The following L3MBTL3 variants were observed in gnomAD, a reference collection of about 807,000 sequenced individuals.
The protein encoded by L3MBTL3 is L3MBTL histone methyl-lysine binding protein 3.
L3MBTL3 carries 27 observed loss-of-function variants against 102.3 expected under a neutral mutation model. The observed-to-expected ratio is 0.26, with a 90% CI of 0.19 to 0.36. L3MBTL3 has a LOEUF of 0.36. L3MBTL3 is among the 10% of genes least tolerant of loss of function. The pLI is 1.00. For synonymous variants in L3MBTL3, 340 were observed against 320.9 expected, an observed-to-expected ratio of 1.06 and a Z score of -0.64; for missense variants, 798 against 955.3, an observed-to-expected ratio of 0.84 and a Z score of 2.17.
chr6:130,088,541 C>T (rs536459638), intron 16 of L3MBTL3, among the ~76,000 whole-genome samples: 1 of 152,208 alleles, frequency 6.6e-6, no homozygotes, highest in African/African-American at 2.4e-5. Flanking sequence ...ACACCTTGAG[C>T]TATTATAGTA....
intron 22 of L3MBTL3, among the ~76,000 whole-genome samples, chr6:130,139,347 A>C (rs1469640183): frequency 6.6e-6 from 1 of 152,214 alleles, no homozygotes; most frequent in Non-Finnish European, 1.5e-5. Flanking sequence ...ATTCAGAGTA[A>C]TCACAGGAAG....
chr6:130,064,558 T>A (rs1782119109), intron 10 of L3MBTL3, among the ~76,000 whole-genome samples: 1 of 151,820 alleles, frequency 6.6e-6, no homozygotes, highest in Non-Finnish European at 1.5e-5. Context: ...CAGGGCTAAG[T>A]GTTTGGGTGG....
At position 130,068,431 on chromosome 6, in the gene L3MBTL3, T is replaced by C. The variant is rs763702501; in HGVS notation, c.1092+10T>C. ...TGAAAATCAGAATATAGTAAGTACATACGAAACACGTTTTCTTTCAAAGGA... is the reference window on the plus strand; with the variant it reads ...TGAAAATCAGAATATAGTAAGTACACACGAAACACGTTTTCTTTCAAAGGA... On this transcript the variant is annotated intron_variant, in intron 12 of 22. Coordinates refer to ENST00000361794, the MANE Select transcript of L3MBTL3 (RefSeq NM_032438.4). The C allele has an allele frequency of 6.9e-7, 1 of 1,447,990 alleles. No individual in the cohort carries two copies. The highest frequency in any genetic ancestry group is 1.1e-5 in the South Asian group (1 of 87,508). 89.7% of individuals were successfully genotyped at this position (1,447,990 alleles called of 1,614,324 possible).
chr6:130,075,396 C>G (rs906440764), intron 13 of L3MBTL3, among the ~76,000 whole-genome samples: 1 of 152,062 alleles, frequency 6.6e-6, no homozygotes, highest in African/African-American at 2.4e-5. Context: ...CTAAGGAAAG[C>G]ACTTCCTTGT....
Position 130,141,389 on chromosome 6 carries a change from C to T in L3MBTL3, c.*1636C>T, listed in dbSNP as rs1207316765. ...ATGTTTTGTTCAGAATTTGTACATT[C>T]AAGTTGTACTTGTTATATCTGACAT... is the stretch of plus-strand genomic sequence containing the variant. On this transcript the variant is annotated 3_prime_UTR_variant, in exon 23 of 23. Coordinates refer to ENST00000361794, the MANE Select transcript of L3MBTL3 (RefSeq NM_032438.4). The T allele has an allele frequency of 6.6e-6, 1 of 152,134 alleles. No homozygotes were observed. Among genetic ancestry groups the T allele is most frequent in the Admixed American group, 6.5e-5 (1 of 15,278 alleles). The allele number at this position is 152,134 out of a possible 1,614,324, so 9.4% of individuals were successfully genotyped here.
At chr6:130,023,696 A>G (rs1259397894) in intron 2 of L3MBTL3, among the ~76,000 whole-genome samples, 1 of 152,168 alleles carries the variant, frequency 6.6e-6, no homozygotes, top group Non-Finnish European at 1.5e-5. Context: ...TGAGAACCAT[A>G]AAGAGTTATT....
intron 18 of L3MBTL3, among the ~76,000 whole-genome samples, chr6:130,095,363 C>A (rs1224660592): frequency 1.3e-5 from 2 of 152,104 alleles, no homozygotes; most frequent in African/African-American, 4.8e-5. Flanking sequence ...CTCAAATCTT[C>A]CTTTTTCGAA....
At chr6:130,102,943 A>G (rs1265799071) in intron 18 of L3MBTL3, among the ~76,000 whole-genome samples, 2 of 152,244 alleles carry the variant, frequency 1.3e-5, no homozygotes, top group Non-Finnish European at 2.9e-5. Context: ...CCGTGAAACC[A>G]GAGAGCTGCT....
At chr6:130,051,659 A>G (rs984760330) in intron 6 of L3MBTL3, among the ~76,000 whole-genome samples, 2 of 152,134 alleles carry the variant, frequency 1.3e-5, no homozygotes, top group African/African-American at 4.8e-5. Flanking sequence ...TCAGTCTTCC[A>G]TTTCCATTCA....
At chr6:130,047,546 T>C (rs1780803876) in intron 3 of L3MBTL3, among the ~76,000 whole-genome samples, 1 of 152,240 alleles carries the variant, frequency 6.6e-6, no homozygotes, top group Admixed American at 6.5e-5. Flanking sequence ...TTCTGTTTAA[T>C]GTAAATGTTT....
At chr6:130,028,301 A>G (rs1347064503) in intron 2 of L3MBTL3, among the ~76,000 whole-genome samples, 1 of 152,190 alleles carries the variant, frequency 6.6e-6, no homozygotes, top group Non-Finnish European at 1.5e-5. Context: ...AACATTATAA[A>G]TAGGATCATT....
chr6:130,101,705 T>G (rs1784699580), intron 18 of L3MBTL3, among the ~76,000 whole-genome samples: 1 of 152,178 alleles, frequency 6.6e-6, no homozygotes, highest in Admixed American at 6.5e-5. Flanking sequence ...AGTGTGTTGC[T>G]TGTACCCTGC....
At chr6:130,127,300 G>C (rs1786673238) in intron 20 of L3MBTL3, among the ~76,000 whole-genome samples, 1 of 152,106 alleles carries the variant, frequency 6.6e-6, no homozygotes, top group Non-Finnish European at 1.5e-5. Context: ...CTCTGCACGT[G>C]GGAAAGAAGG....
chr6:130,130,675 G>A (rs7770448), intron 20 of L3MBTL3, among the ~76,000 whole-genome samples: 19,716 of 152,158 alleles, frequency 0.13, 2,165 homozygotes, highest in African/African-American at 0.29. Context: ...AATAAAATGG[G>A]ATGAGGACCT....
chr6:130,104,537 G>A lies in L3MBTL3; in HGVS notation c.1848G>A (p.Arg616=). 6.3e-7 allele frequency: 1 copy of A among 1,588,696 alleles called. No individual in the cohort carries two copies. Residue 616 remains arginine (R), a synonymous_variant, in exon 19 of 23, where the codon AGG becomes AGA. Transcript: ENST00000361794. ...GTCCGTCATTTCCAAGAAATAAAAG[G>A]ACAGATGCAAATGAAAGCTCTTCTT... is the stretch of plus-strand genomic sequence containing the variant. ...PASPSFPRNK[R]TDANESSSSP...
At position 130,051,400 on chromosome 6, in the gene L3MBTL3, C is replaced by G. The variant is rs751012075; in HGVS notation, c.441C>G (p.Ile147Met). The G allele has an allele frequency of 1.9e-6, 3 of 1,612,636 alleles. No homozygotes were observed. In the African/African-American group the frequency reaches 4.0e-5, roughly 22 times the overall value. ...GCAGCCAGAATTGTGCTCGGCACATCAAAGATAAGTAGGTTTTTGCCCCAT... is the reference window on the plus strand; with the variant it reads ...GCAGCCAGAATTGTGCTCGGCACATGAAAGATAAGTAGGTTTTTGCCCCAT... Reference protein sequence around the residue: ...NYCSQNCARHIKDKDQKEERD... With the variant: ...NYCSQNCARHMKDKDQKEERD... Residue 147 changes from isoleucine to methionine, a missense_variant, in exon 6 of 23, where the codon ATC becomes ATG. Ile to Met is a conservative substitution (Grantham distance 10). Transcript: ENST00000361794.
intron 22 of L3MBTL3, among the ~76,000 whole-genome samples, chr6:130,137,066 A>G (rs1275439294): frequency 6.6e-6 from 1 of 152,226 alleles, no homozygotes; most frequent in Non-Finnish European, 1.5e-5. Flanking sequence ...CTATATGTCT[A>G]AGCCCAAGAA....
At chr6:130,122,926 C>G (rs1405488902) in intron 20 of L3MBTL3, among the ~76,000 whole-genome samples, 2 of 151,666 alleles carry the variant, frequency 1.3e-5, no homozygotes, top group Non-Finnish European at 2.9e-5. Context: ...GGAGTATTCA[C>G]TCTTATTAAT....
intron 1 of L3MBTL3, among the ~76,000 whole-genome samples, chr6:130,021,441 T>C (rs568094780): frequency 5.9e-4 from 90 of 152,352 alleles, no homozygotes; most frequent in South Asian, 2.9e-3. Context: ...ACATGAGTTA[T>C]ATGGGAAAGA....
Sources: allele counts gnomAD v4.1 joint callset (sites outside exome capture counted in the v4.1 genomes callset), GRCh38; gene constraint gnomAD v4.1.1; transcripts MANE v1.5; gene names NCBI Gene and HGNC (gene_info 2026-07-23, HGNC 2026-07-21).